ASCL4: variants seen among roughly 807,000 people sequenced by gnomAD.
The protein encoded by ASCL4 is achaete-scute family bHLH transcription factor 4.
A neutral mutation model predicts 0.3 loss-of-function variants in ASCL4; 1 was observed. The ratio of observed to expected loss-of-function variants is 3.35; its 90% CI spans 1.19 to 15.89. The LOEUF (loss-of-function observed/expected upper bound fraction) is 15.89, where lower values mean the gene tolerates loss of function less well. ASCL4 is among the 30% of genes most tolerant of loss of function. ASCL4 has a pLI of 0.12. For synonymous variants in ASCL4, 137 were observed against 119.5 expected (o/e 1.15, Z -0.96); for missense variants, 330 against 256.9 (o/e 1.28, Z -1.94).
In ASCL4 at chr12:107,774,944, C is replaced by G; in HGVS notation, c.-275C>G. On this transcript the variant is annotated 5_prime_UTR_variant, in exon 1 of 1. Transcript: ENST00000342331. ...TCTGAAAGAAGATCAGTGGGGAAGA[C>G]GGGGTTTGAAGTGTGGATTAGGAGA... 1 of 464,246 alleles carries G rather than the reference C, an allele frequency of 2.2e-6. No individual in the cohort carries two copies. The highest frequency in any genetic ancestry group is 3.8e-6 in the Non-Finnish European group (1 of 265,306). The allele number at this position is 464,246 out of a possible 1,614,324, so 28.8% of individuals were successfully genotyped here.
chr12:107,775,699 C>A lies in ASCL4; in HGVS notation c.481C>A (p.Pro161Thr), dbSNP rs1327024761. The change falls in exon 1 of 1, where the codon CCT becomes ACT. Residue 161 changes from proline (P) to threonine (T), a missense_variant. By Grantham distance (38) the Pro-to-Thr change is conservative. Transcript: ENST00000342331. ...SDGESKASSA[P>T]SPSSEPEEGG... ...CGGGGAGTCCAAGGCCTCTTCGGCG[C>A]CTTCGCCCAGCAGCGAGCCCGAGGA... 1 of 1,466,226 alleles carries A rather than the reference C, an allele frequency of 6.8e-7. No homozygotes were observed. Among genetic ancestry groups the A allele is most frequent in the Non-Finnish European group, 8.9e-7 (1 of 1,119,016 alleles). 90.8% of individuals were successfully genotyped at this position (1,466,226 alleles called of 1,614,324 possible). A position where few individuals can be genotyped will look rare whatever the true frequency, so the allele number is the denominator to read the frequency against.
Position 107,775,094 on chromosome 12 carries a change from T to A in ASCL4, c.-125T>A. On this transcript the variant is annotated 5_prime_UTR_variant, in exon 1 of 1. Transcript: ENST00000342331. ...GAACCTAACTTCTGGACCCAGAAAC[T>A]TCTGCAAAGACAGACCCACTGAGCC... 1 of 1,315,720 alleles carries A rather than the reference T, an allele frequency of 7.6e-7. No individual in the cohort carries two copies. Among genetic ancestry groups the A allele is most frequent in the East Asian group, 2.5e-5 (1 of 40,636 alleles). The allele number at this position is 1,315,720 out of a possible 1,614,324, so 81.5% of individuals were successfully genotyped here. A position where few individuals can be genotyped will look rare whatever the true frequency, so the allele number is the denominator to read the frequency against.
Position 107,775,774 on chromosome 12 carries a change from G to A in ASCL4, c.*37G>A, listed in dbSNP as rs754930773. On this transcript the variant is annotated 3_prime_UTR_variant, in exon 1 of 1. Coordinates refer to ENST00000342331, the MANE Select transcript of ASCL4 (RefSeq NM_203436.3). ...ACTGGCCAGGACCCCCGCGCCCGCC[G>A]CACAGCGCGCAGCCGGGCGCTCAAC... The A allele has an allele frequency of 1.4e-6, 2 of 1,382,186 alleles. No individual in the cohort carries two copies. The highest frequency in any genetic ancestry group is 2.9e-5 in the East Asian group (1 of 34,148). 85.6% of individuals were successfully genotyped at this position (1,382,186 alleles called of 1,614,324 possible). A position where few individuals can be genotyped will look rare whatever the true frequency, so the allele number is the denominator to read the frequency against.
At position 107,775,686 on chromosome 12, in the gene ASCL4, G is replaced by A. The variant is rs1456632463; in HGVS notation, c.468G>A (p.Lys156=). ...AATGCAACAGCGACGGGGAGTCCAAGGCCTCTTCGGCGCCTTCGCCCAGCA... is the reference window on the plus strand; with the variant it reads ...AATGCAACAGCGACGGGGAGTCCAAAGCCTCTTCGGCGCCTTCGCCCAGCA... ...RAECNSDGES[K]ASSAPSPSSE... Residue 156 remains lysine (K), a synonymous_variant, in exon 1 of 1, where the codon AAG becomes AAA. Transcript: ENST00000342331. The A allele has an allele frequency of 4.1e-6, 6 of 1,479,672 alleles. No homozygotes were observed. Among genetic ancestry groups the A allele is most frequent in the Non-Finnish European group, 5.3e-6 (6 of 1,125,744 alleles). 91.7% of individuals were successfully genotyped at this position (1,479,672 alleles called of 1,614,324 possible).
Position 107,775,247 on chromosome 12 carries a change from T to A in ASCL4, c.29T>A (p.Leu10Gln). 6.2e-7 allele frequency: 1 copy of A among 1,612,414 alleles called. No individual in the cohort carries two copies. Among genetic ancestry groups the A allele is most frequent in the South Asian group, 1.1e-5 (1 of 90,950 alleles). Reference sequence around the variant, plus strand: ...GAGACGCGTAAACCGGCGGAACGGCTGGCCTTGCCATACTCGCTGCGCACC... The same window carrying A: ...GAGACGCGTAAACCGGCGGAACGGCAGGCCTTGCCATACTCGCTGCGCACC... METRKPAER[L>Q]ALPYSLRTAP... Residue 10 changes from leucine (L) to glutamine (Q), a missense_variant, in exon 1 of 1, where the codon CTG becomes CAG. By Grantham distance (113) the Leu-to-Gln change is moderately radical (BLOSUM62 -2). Coordinates refer to ENST00000342331, the MANE Select transcript of ASCL4 (RefSeq NM_203436.3).
rs548394901 is a variant in ASCL4 at position 107,775,334 on chromosome 12, C to A, written c.116C>A (p.Ala39Asp). The part of the protein sequence containing the change: ...GLPRRDPLRV[A>D]LRLDAACWEW... ...CCGCGGAGGGACCCCCTCAGGGTCG[C>A]CCTGCGTCTGGACGCCGCGTGCTGG... The change falls in exon 1 of 1, where the codon GCC becomes GAC. Residue 39 changes from alanine (A) to aspartate (D), a missense_variant. Ala to Asp is a moderately radical substitution (Grantham distance 126, BLOSUM62 -2). Transcript: ENST00000342331. 2.7e-5 allele frequency: 44 copies of A among 1,609,624 alleles called. No individual in the cohort carries two copies. The South Asian group carries it at 4.3e-4, about 16-fold the overall frequency.
In ASCL4 at chr12:107,774,948, G is replaced by A; in HGVS notation, c.-271G>A. 2.1e-6 allele frequency: 1 copy of A among 485,934 alleles called. No homozygotes were observed. The highest frequency in any genetic ancestry group is 3.6e-6 in the Non-Finnish European group (1 of 278,168). 30.1% of individuals were successfully genotyped at this position (485,934 alleles called of 1,614,324 possible). On this transcript the variant is annotated 5_prime_UTR_variant, in exon 1 of 1. Coordinates refer to ENST00000342331, the MANE Select transcript of ASCL4 (RefSeq NM_203436.3). ...AAAGAAGATCAGTGGGGAAGACGGGGTTTGAAGTGTGGATTAGGAGATCCT... is the reference window on the plus strand; with the variant it reads ...AAAGAAGATCAGTGGGGAAGACGGGATTTGAAGTGTGGATTAGGAGATCCT...
In ASCL4 at chr12:107,775,574, A is replaced by T; in HGVS notation, c.356A>T (p.Asp119Val). 1.3e-6 allele frequency: 2 copies of T among 1,581,280 alleles called. No homozygotes were observed. The highest frequency in any genetic ancestry group is 1.7e-6 in the Non-Finnish European group (2 of 1,172,262). The change falls in exon 1 of 1, where the codon GAC becomes GTC. Residue 119 changes from aspartate to valine, a missense_variant. Coordinates refer to ENST00000342331, the MANE Select transcript of ASCL4 (RefSeq NM_203436.3). ...GTGGAGACGCTCCGCGCTGCCATCG[A>T]CTACATCAAGCACCTGCAGGAGCTG... is the stretch of plus-strand genomic sequence containing the variant. ...SKVETLRAAI[D>V]YIKHLQELLE...
rs757944249 is a variant in ASCL4, at chr12:107,775,767, G to T, written c.*30G>T. 11 of 1,385,444 alleles carry T rather than the reference G, an allele frequency of 7.9e-6. No individual in the cohort carries two copies. In the African/African-American group the frequency reaches 1.4e-4, roughly 17 times the overall value. The allele number at this position is 1,385,444 out of a possible 1,614,324, so 85.8% of individuals were successfully genotyped here. The stretch of plus-strand genomic sequence containing the variant: ...CGCCCGAACTGGCCAGGACCCCCGC[G>T]CCCGCCGCACAGCGCGCAGCCGGGC... On this transcript the variant is annotated 3_prime_UTR_variant, in exon 1 of 1. Coordinates refer to ENST00000342331, the MANE Select transcript of ASCL4 (RefSeq NM_203436.3).
In ASCL4 at chr12:107,775,599, G is replaced by A. The variant is rs751997123; in HGVS notation, c.381G>A (p.Leu127=). 10 of 1,577,410 alleles carry A rather than the reference G, an allele frequency of 6.3e-6. No individual in the cohort carries two copies. In the East Asian group the frequency reaches 2.1e-4, roughly 33 times the overall value. ...ACTACATCAAGCACCTGCAGGAGCT[G>A]CTGGAGCGCCAGGCCTGGGGGCTCG... ...AIDYIKHLQE[L]LERQAWGLEG... The change falls in exon 1 of 1, where the codon CTG becomes CTA. Residue 127 remains leucine (L), a synonymous_variant. Transcript: ENST00000342331.
chr12:107,775,547 A>C lies in ASCL4; in HGVS notation c.329A>C (p.Lys110Thr). ...PRELADKRLS[K>T]VETLRAAIDY... ...GAGCTGGCAGACAAGCGCCTCAGCA[A>C]AGTGGAGACGCTCCGCGCTGCCATC... Residue 110 changes from lysine to threonine, a missense_variant, in exon 1 of 1, where the codon AAA (lysine) becomes ACA (threonine). Physicochemically the swap from Lys to Thr is moderately conservative, Grantham distance 78. Transcript: ENST00000342331. 4 of 1,575,970 alleles carry C rather than the reference A, an allele frequency of 2.5e-6. No homozygotes were observed. The highest frequency in any genetic ancestry group is 2.6e-6 in the Non-Finnish European group (3 of 1,169,552).
In ASCL4 at chr12:107,776,415, T is replaced by C. The variant is rs1565840624; in HGVS notation, c.*678T>C. On this transcript the variant is annotated 3_prime_UTR_variant, in exon 1 of 1. Transcript: ENST00000342331. ...TTTCATCCAGTGGCCACGTGGAAGCTTTGTAGCATTGAGCAGATAGTAAAA... is the reference window on the plus strand; with the variant it reads ...TTTCATCCAGTGGCCACGTGGAAGCCTTGTAGCATTGAGCAGATAGTAAAA... 1 of 167,128 alleles carries C rather than the reference T, an allele frequency of 6.0e-6. No homozygotes were observed. The highest frequency in any genetic ancestry group is 1.5e-5 in the Non-Finnish European group (1 of 68,130). The allele number at this position is 167,128 out of a possible 1,614,324, so 10.4% of individuals were successfully genotyped here.
In ASCL4 at chr12:107,775,486, G is replaced by A. The variant is rs538343741; in HGVS notation, c.268G>A (p.Glu90Lys). 3 of 1,572,650 alleles carry A rather than the reference G, an allele frequency of 1.9e-6. No individual in the cohort carries two copies. Among genetic ancestry groups the A allele is most frequent in the Middle Eastern group, 1.8e-4 (1 of 5,670 alleles). ...RERQRVRCVN[E>K]GYARLRDHLP... is the part of the protein sequence containing the mutation. ...GCGGCAGCGGGTGCGCTGCGTGAACGAGGGCTATGCGCGCCTCCGAGACCA... is the reference window on the plus strand; with the variant it reads ...GCGGCAGCGGGTGCGCTGCGTGAACAAGGGCTATGCGCGCCTCCGAGACCA... The change falls in exon 1 of 1, where the codon GAG becomes AAG. Residue 90 changes from glutamate (E) to lysine (K), a missense_variant. Transcript: ENST00000342331.
Position 107,775,519 on chromosome 12 carries a change from C to G in ASCL4, c.301C>G (p.Arg101Gly). The change falls in exon 1 of 1, where the codon CGG becomes GGG. Residue 101 changes from arginine (R) to glycine (G), a missense_variant. Transcript: ENST00000342331. ...GYARLRDHLP[R>G]ELADKRLSKV... The stretch of plus-strand genomic sequence containing the variant: ...TGCGCGCCTCCGAGACCACCTGCCC[C>G]GGGAGCTGGCAGACAAGCGCCTCAG... 1 of 1,572,356 alleles carries G rather than the reference C, an allele frequency of 6.4e-7. No homozygotes were observed. Among genetic ancestry groups the G allele is most frequent in the South Asian group, 1.1e-5 (1 of 87,678 alleles).
chr12:107,776,005 C>A lies in ASCL4; in HGVS notation c.*268C>A. The stretch of plus-strand genomic sequence containing the variant: ...ACTCTTTTCCTATACTTCTAAAATG[C>A]AAACTGTTTCAGATTCTGAGCACCT... On this transcript the variant is annotated 3_prime_UTR_variant, in exon 1 of 1. Transcript: ENST00000342331. The A allele has an allele frequency of 2.7e-6, 1 of 372,354 alleles. No individual in the cohort carries two copies. The highest frequency in any genetic ancestry group is 4.9e-6 in the Non-Finnish European group (1 of 202,312). The allele number at this position is 372,354 out of a possible 1,614,324, so 23.1% of individuals were successfully genotyped here.
chr12:107,775,533 C>CA lies in ASCL4; in HGVS notation c.317dup (p.Arg107AlafsTer143). On this transcript the variant is annotated frameshift_variant, in exon 1 of 1. Coordinates refer to ENST00000342331, the MANE Select transcript of ASCL4 (RefSeq NM_203436.3). LOFTEE classifies it low-confidence loss of function (END_TRUNC). ...ACCACCTGCCCCGGGAGCTGGCAGA[C>CA]AAGCGCCTCAGCAAAGTGGAGACGC... 6.4e-7 allele frequency: 1 copy of CA among 1,573,990 alleles called. No homozygotes were observed. Among genetic ancestry groups the CA allele is most frequent in the East Asian group, 2.3e-5 (1 of 43,800 alleles).
chr12:107,775,414 G>C lies in ASCL4; in HGVS notation c.196G>C (p.Asp66His), dbSNP rs1447555533. Residue 66 changes from aspartate to histidine, a missense_variant, in exon 1 of 1, where the codon GAC becomes CAC. By Grantham distance (81) the Asp-to-His change is moderately conservative. Transcript: ENST00000342331. Reference protein sequence around the residue: ...RGWQYLPVPLDSAFEPAFLRK... With the variant: ...RGWQYLPVPLHSAFEPAFLRK... ...ATGGCAGTACTTGCCCGTGCCGCTG[G>C]ACAGCGCCTTCGAGCCCGCCTTCCT... 1.9e-6 allele frequency: 3 copies of C among 1,583,418 alleles called. No individual in the cohort carries two copies. The highest frequency in any genetic ancestry group is 2.3e-5 in the East Asian group (1 of 43,810).
At position 107,775,059 on chromosome 12, in the gene ASCL4, G is replaced by C. The variant is rs139720873; in HGVS notation, c.-160G>C. ...AGGAATCATGCACCGTTTCCCTGAAGCCTGTCCAGGAACCTAACTTCTGGA... is the reference window on the plus strand; with the variant it reads ...AGGAATCATGCACCGTTTCCCTGAACCCTGTCCAGGAACCTAACTTCTGGA... On this transcript the variant is annotated 5_prime_UTR_variant, in exon 1 of 1. Transcript: ENST00000342331. 2.4e-6 allele frequency: 2 copies of C among 849,220 alleles called. No individual in the cohort carries two copies. Among genetic ancestry groups the C allele is most frequent in the African/African-American group, 3.6e-5 (2 of 56,158 alleles). 52.6% of individuals were successfully genotyped at this position (849,220 alleles called of 1,614,324 possible).
rs773816843 is a variant in ASCL4 at position 107,775,235 on chromosome 12, C to G, written c.17C>G (p.Pro6Arg). The G allele has an allele frequency of 9.3e-6, 15 of 1,611,916 alleles. No individual in the cohort carries two copies. The East Asian group carries it at 3.4e-4, about 36-fold the overall frequency. METRK[P>R]AERLALPYSL... ...CGGCAAATGATGGAGACGCGTAAACCGGCGGAACGGCTGGCCTTGCCATAC... is the reference window on the plus strand; with the variant it reads ...CGGCAAATGATGGAGACGCGTAAACGGGCGGAACGGCTGGCCTTGCCATAC... Residue 6 changes from proline (P) to arginine (R), a missense_variant, in exon 1 of 1, where the codon CCG becomes CGG. Coordinates refer to ENST00000342331, the MANE Select transcript of ASCL4 (RefSeq NM_203436.3).
Sources: allele counts gnomAD v4.1 joint callset, GRCh38; gene constraint gnomAD v4.1.1; transcripts MANE v1.5; gene names NCBI Gene and HGNC (gene_info 2026-07-23, HGNC 2026-07-21).